The following GPC3 variants were observed in gnomAD, a reference collection of about 807,000 sequenced individuals.
The protein encoded by GPC3 is glypican-3.
Under a neutral mutation model 34.4 loss-of-function variants are expected in GPC3, and 3 were observed. The observed-to-expected ratio is 0.09, with a 90% confidence interval of 0.04 to 0.23. GPC3 has a LOEUF of 0.23. Ranked by LOEUF, GPC3 falls within the 10% of genes least tolerant of loss-of-function variation. The pLI is 1.00. For missense variants in GPC3, 351 were observed against 445.6 expected (o/e 0.79, Z 1.91); for synonymous variants, 177 against 174.0 (o/e 1.02, Z -0.13).
At chrX:133,569,899 T>G in intron 7 of GPC3, among the ~76,000 whole-genome samples, 1 of 99,120 alleles carries the variant, frequency 1.0e-5, no homozygotes, top group African/African-American at 5.0e-5. Context: ...AGAATGGGTT[T>G]TTTTTTTTTT....
chrX:133,645,416 C>T (rs2070532260), intron 6 of GPC3, among the ~76,000 whole-genome samples: 1 of 111,731 alleles, frequency 9.0e-6, no homozygotes, highest in South Asian at 3.8e-4. Context: ...TAAATACACC[C>T]AGATTGCGTG....
intron 6 of GPC3, 140 bp from the exon 7 acceptor site, chrX:133,596,739 G>T (rs927456546): frequency 1.7e-6 from 1 of 602,637 alleles, no homozygotes; most frequent in Non-Finnish European, 2.8e-6. Flanking sequence ...ATTTACGTAG[G>T]TGTAAACTGC....
rs550047799 is a variant in GPC3, at chrX:133,584,952, A to G, written c.1573+11488T>C. 6.0e-4 allele frequency among the ~76,000 whole-genome samples: 67 copies of G among 110,991 alleles called. 2 individuals carry two copies. In the South Asian group the frequency reaches 0.025, roughly 41 times the overall value. On this transcript the variant is annotated intron_variant, in intron 7 of 7. Transcript: ENST00000370818. Reference sequence around the variant, plus strand: ...AGCCAAAAAAAAAAAAAAAACAAAAAAACAAAAAACAGACTAAAAGGCACT... The same window carrying G: ...AGCCAAAAAAAAAAAAAAAACAAAAGAACAAAAAACAGACTAAAAGGCACT...
intron 2 of GPC3, among the ~76,000 whole-genome samples, chrX:133,795,984 C>T (rs756735199): frequency 3.4e-5 from 3 of 87,646 alleles, no homozygotes; most frequent in Admixed American, 1.5e-4. Flanking sequence ...CTCGCTTTGT[C>T]CCCCAGGCTG....
Position 133,820,175 on chromosome X carries a change from T to C in GPC3, c.338-65999A>G, listed in dbSNP as rs529902147. Among the ~76,000 whole-genome samples the C allele has an allele frequency of 6.3e-5, 7 of 111,904 alleles. No individual in the cohort carries two copies. In the South Asian group the frequency reaches 2.2e-3, roughly 36 times the overall value. On this transcript the variant is annotated intron_variant, in intron 2 of 7. Transcript: ENST00000370818. ...TTTTTCACACCACATTTGTTAACAC[T>C]GTCACCATGATAATATATGTAACTG...
At chrX:133,737,540 GCAAA>G (rs1468277203) in intron 3 of GPC3, among the ~76,000 whole-genome samples, 1 of 111,550 alleles carries the variant, frequency 9.0e-6, no homozygotes, top group South Asian at 3.8e-4. Flanking sequence ...AAGTCTATTA[GCAAA>G]CAAACAAAAA....
rs116401556 is a variant in GPC3, at chrX:133,980,309, C to G, written c.175+4966G>C. 1.4e-3 allele frequency among the ~76,000 whole-genome samples: 161 copies of G among 111,774 alleles called. 2 individuals carry two copies. The highest frequency in any genetic ancestry group is 4.9e-3 in the African/African-American group (151 of 30,773). Reference sequence around the variant, plus strand: ...TAGGCTGAAAAGTTTGTCTACATGCCCCAATAATGTATCGTAACAATTTGG... The same window carrying G: ...TAGGCTGAAAAGTTTGTCTACATGCGCCAATAATGTATCGTAACAATTTGG... On this transcript the variant is annotated intron_variant, in intron 1 of 7. Transcript: ENST00000370818.
rs12687072 is a variant in GPC3 at position 133,757,276 on chromosome X, C to T, written c.338-3100G>A. 8.1e-5 allele frequency among the ~76,000 whole-genome samples: 9 copies of T among 111,082 alleles called. No homozygotes were observed. In the East Asian group the frequency reaches 2.0e-3, roughly 24 times the overall value. On this transcript the variant is annotated intron_variant, in intron 2 of 7. Coordinates refer to ENST00000370818, the MANE Select transcript of GPC3 (RefSeq NM_004484.4). ...GCAAGGTTTCTAGATATCTAGATGC[C>T]CCATTATCATTCTGGTCACCACCCT... is the stretch of plus-strand genomic sequence containing the variant.
intron 5 of GPC3, chrX:133,671,193 C>T: frequency 4.3e-6 from 5 of 1,169,319 alleles, no homozygotes; most frequent in Non-Finnish European, 5.8e-6. Context: ...GGCAAGACAA[C>T]TGGCTTTGGC....
intron 3 of GPC3, among the ~76,000 whole-genome samples, chrX:133,700,889 A>C (rs186890651): frequency 1.9e-4 from 21 of 110,960 alleles, no homozygotes; most frequent in Non-Finnish European, 1.1e-4. Flanking sequence ...TAAATAAATA[A>C]ATAAATAAGC....
At chrX:133,799,301 A>C (rs1159720409) in intron 2 of GPC3, among the ~76,000 whole-genome samples, 3 of 111,688 alleles carry the variant, frequency 2.7e-5, no homozygotes, top group Non-Finnish European at 3.8e-5. Flanking sequence ...CTGAGATGGG[A>C]GAATCCTCTG....
At chrX:133,824,880 G>A (rs773524836) in intron 2 of GPC3, among the ~76,000 whole-genome samples, 102 of 112,201 alleles carry the variant, frequency 9.1e-4, no homozygotes, top group African/African-American at 3.2e-3. Flanking sequence ...ACGGAGTCTC[G>A]CTCTGTCGCC....
intron 2 of GPC3, among the ~76,000 whole-genome samples, chrX:133,911,855 T>G (rs1207664951): frequency 4.5e-5 from 5 of 112,066 alleles, no homozygotes; most frequent in African/African-American, 1.6e-4. Flanking sequence ...TGTCACCTGG[T>G]GATCCTGTCA....
At chrX:133,585,621 C>A (rs1194935353) in intron 7 of GPC3, among the ~76,000 whole-genome samples, 1 of 111,608 alleles carries the variant, frequency 9.0e-6, no homozygotes, top group African/African-American at 3.3e-5. Context: ...ACTCCCAGAT[C>A]CCTCGGGGAT....
intron 1 of GPC3, among the ~76,000 whole-genome samples, chrX:133,977,898 C>A (rs1428580428): frequency 2.7e-5 from 3 of 111,400 alleles, no homozygotes; most frequent in Non-Finnish European, 5.7e-5. Flanking sequence ...ATTTCCATGG[C>A]GGAAAATTCA....
At chrX:133,669,659 T>TAATTAAATTGTCCTCCTCTGC (rs1267911870) in intron 5 of GPC3, among the ~76,000 whole-genome samples, 5 of 112,113 alleles carry the variant, frequency 4.5e-5, no homozygotes, top group Non-Finnish European at 5.6e-5. Flanking sequence ...TACTCATCTG[T>TAATTAAATTGTCCTCCTCTGC]AATTAAATTG....
chrX:133,892,386 G>T (rs759673312), intron 2 of GPC3, among the ~76,000 whole-genome samples: 1 of 110,675 alleles, frequency 9.0e-6, no homozygotes, highest in African/African-American at 3.3e-5. Flanking sequence ...TGCTGCTCCC[G>T]TGGGCACCTC....
At chrX:133,730,774 C>T (rs1224937051) in intron 3 of GPC3, among the ~76,000 whole-genome samples, 3 of 110,487 alleles carry the variant, frequency 2.7e-5, no homozygotes, top group Admixed American at 9.7e-5. Flanking sequence ...AAAAATAAGC[C>T]TTAGAAGCAT....
intron 3 of GPC3, among the ~76,000 whole-genome samples, chrX:133,702,885 G>A (rs1447457034): frequency 8.9e-6 from 1 of 112,179 alleles, no homozygotes; most frequent in Non-Finnish European, 1.9e-5. Context: ...CAAAGCATTT[G>A]TCAAATATAT....
Sources: allele counts gnomAD v4.1 joint callset (sites outside exome capture counted in the v4.1 genomes callset), GRCh38; gene constraint gnomAD v4.1.1; transcripts MANE v1.5; gene names NCBI Gene and HGNC (gene_info 2026-07-23, HGNC 2026-07-21).